Variants in DEF8 observed in about 807,000 individuals in gnomAD.
The protein encoded by DEF8 is differentially expressed in FDCP 8 homolog.
In DEF8, 38 loss-of-function variants were observed where a neutral mutation model predicts 59.1. The ratio of observed to expected loss-of-function variants is 0.64; its 90% CI spans 0.50 to 0.84. The LOEUF (loss-of-function observed/expected upper bound fraction) is 0.84. DEF8 is among the 40% of genes least tolerant of loss of function. The pLI is 0.00. For synonymous variants in DEF8, 265 were observed against 250.1 expected (o/e 1.06, Z -0.56); for missense variants, 557 against 615.2 (o/e 0.91, Z 1.00).
At position 89,955,269 on chromosome 16, in the gene DEF8, A is replaced by G; in HGVS notation, c.222+3A>G. The G allele has an allele frequency of 6.2e-7, 1 of 1,612,650 alleles. No homozygotes were observed. The highest frequency in any genetic ancestry group is 8.5e-7 in the Non-Finnish European group (1 of 1,179,074). On this transcript the variant is annotated splice_donor_region_variant and intron_variant, in intron 4 of 12. Transcript: ENST00000563594. ...AGGACCACTTCTCCCGCCCTGTGGT[A>G]AGGTTTTAGATCTCGGAGGGGAGAG...
chr16:89,959,321 A>T, intron 6 of DEF8, 166 bp downstream of exon 6: 2 of 1,474,110 alleles, frequency 1.4e-6, no homozygotes, highest in Non-Finnish European at 1.8e-6. Context: ...TACTGTCTAC[A>T]TTGGACAGGG....
At chr16:89,964,678 C>G in intron 12 of DEF8, 103 bp downstream of exon 12, 1 of 817,450 alleles carries the variant, frequency 1.2e-6, no homozygotes, top group Non-Finnish European at 2.0e-6. Flanking sequence ...GGAGCTGGCA[C>G]TGCTCCCCCG....
Position 89,960,224 on chromosome 16 carries a change from G to A in DEF8, c.515-707G>A, listed in dbSNP as rs2033840926. 2.6e-5 allele frequency among the ~76,000 whole-genome samples: 4 copies of A among 152,176 alleles called. No individual in the cohort carries two copies. The South Asian group carries it at 8.3e-4, about 32-fold the overall frequency. On this transcript the variant is annotated intron_variant, in intron 6 of 12. Coordinates refer to ENST00000563594, the MANE Select transcript of DEF8 (RefSeq NM_001242818.2). The stretch of plus-strand genomic sequence containing the variant: ...ATAGGTTACTGTGGCTGCTGACTGA[G>A]CTTGGACTGAGAGGGAGGTGACTGA...
intron 2 of DEF8, chr16:89,950,162 TA>T: frequency 1.0e-6 from 1 of 986,918 alleles, no homozygotes; most frequent in Non-Finnish European, 1.2e-6. Context: ...GGCCATGTTT[TA>T]AACACCAGGA....
intron 5 of DEF8, 76 bp from the exon 6 acceptor site, chr16:89,958,933 ATAAGT>A: frequency 6.4e-7 from 1 of 1,562,548 alleles, no homozygotes; most frequent in Non-Finnish European, 8.6e-7. Flanking sequence ...CCTGGAAGAA[ATAAGT>A]TGAGGGGCTT....
chr16:89,956,030 G>A (rs1369224503), intron 4 of DEF8, among the ~76,000 whole-genome samples: 4 of 151,986 alleles, frequency 2.6e-5, no homozygotes, highest in Admixed American at 6.5e-5. Context: ...CCGAGACTGC[G>A]CCACTGCACT....
chr16:89,956,183 C>T (rs534140381), intron 4 of DEF8, among the ~76,000 whole-genome samples: 18 of 151,676 alleles, frequency 1.2e-4, no homozygotes, highest in South Asian at 6.3e-4. Context: ...TTGGGCCAGA[C>T]GTGGTGGCTC....
Position 89,966,211 on chromosome 16 carries a change from C to G in DEF8, c.*248C>G. ...GGGTCCTTGCGTGGCCCCCATCCTT[C>G]CCCCAATGCAGAACTCCATGGGCAG... On this transcript the variant is annotated 3_prime_UTR_variant, in exon 13 of 13. Coordinates refer to ENST00000563594, the MANE Select transcript of DEF8 (RefSeq NM_001242818.2). 2.4e-6 allele frequency: 1 copy of G among 421,054 alleles called. No individual in the cohort carries two copies. Among genetic ancestry groups the G allele is most frequent in the South Asian group, 2.5e-5 (1 of 40,188 alleles). The allele number at this position is 421,054 out of a possible 1,614,324, so 26.1% of individuals were successfully genotyped here.
rs1208593490 is a variant in DEF8 at position 89,957,667 on chromosome 16, GTGGGGCCGCCCCGCCGTGGGGCAGCC to G, written c.372+16_372+41del. 14 of 1,546,534 alleles carry G rather than the reference GTGGGGCCGCCCCGCCGTGGGGCAGCC, an allele frequency of 9.1e-6. No homozygotes were observed. The Admixed American group carries it at 1.4e-4, about 15-fold the overall frequency. On this transcript the variant is annotated splice_region_variant and intron_variant, in intron 5 of 12. Coordinates refer to ENST00000563594, the MANE Select transcript of DEF8 (RefSeq NM_001242818.2). ...GAAGCTCCAGGAGCTGAAGGTGGGT[GTGGGGCCGCCCCGCCGTGGGGCAGCC>G]TGGGGCCGAGGCCAGAACTGTGGAA...
Position 89,957,649 on chromosome 16 carries a change from C to G in DEF8, c.361C>G (p.Gln121Glu). The G allele has an allele frequency of 6.4e-7, 1 of 1,562,708 alleles. No homozygotes were observed. The highest frequency in any genetic ancestry group is 8.7e-7 in the Non-Finnish European group (1 of 1,153,468). The change falls in exon 5 of 13, where the codon CAG becomes GAG. Residue 121 changes from glutamine to glutamate, a missense_variant. Transcript: ENST00000563594. ...VRLIHLRLKL[Q>E]ELKDPNEDEP... ...ACTCATCCACCTCCGGCTGAAGCTC[C>G]AGGAGCTGAAGGTGGGTGTGGGGCC...
At chr16:89,963,911 A>C in intron 10 of DEF8, 1 of 564,070 alleles carries the variant, frequency 1.8e-6, no homozygotes, top group South Asian at 1.8e-5. Context: ...AAGCGTGGGG[A>C]GTGCGGGGAT....
chr16:89,955,574 C>G (rs1195253403), intron 4 of DEF8, among the ~76,000 whole-genome samples: 2 of 152,174 alleles, frequency 1.3e-5, no homozygotes, highest in Non-Finnish European at 2.9e-5. Context: ...CTTCATGAAG[C>G]AAATGTGCAG....
At position 89,965,876 on chromosome 16, in the gene DEF8, C is replaced by T. The variant is rs778144330; in HGVS notation, c.1269C>T (p.Asp423=). The T allele has an allele frequency of 6.2e-7, 1 of 1,613,320 alleles. No individual in the cohort carries two copies. The highest frequency in any genetic ancestry group is 1.1e-5 in the South Asian group (1 of 91,052). ...CTGCCCCCAGGGACTGCTACTACGACAACTCCACCACTTGTCCCAAGTGTG... is the reference window on the plus strand; with the variant it reads ...CTGCCCCCAGGGACTGCTACTACGATAACTCCACCACTTGTCCCAAGTGTG... ...SAVFHRDCYY[D]NSTTCPKCAR... The change falls in exon 13 of 13, where the codon GAC becomes GAT. Residue 423 remains aspartate, a synonymous_variant. Coordinates refer to ENST00000563594, the MANE Select transcript of DEF8 (RefSeq NM_001242818.2).
intron 2 of DEF8, among the ~76,000 whole-genome samples, chr16:89,951,325 C>A (rs918807997): frequency 6.6e-6 from 1 of 151,784 alleles, no homozygotes; most frequent in Non-Finnish European, 1.5e-5. Context: ...GGCTCAATCT[C>A]GGCTCACCTC....
At chr16:89,960,815 A>T (rs1301636548) in intron 6 of DEF8, 116 bp from the exon 7 acceptor site, 2 of 1,073,398 alleles carry the variant, frequency 1.9e-6, no homozygotes, top group African/African-American at 1.6e-5. Flanking sequence ...AGGAGGTCTT[A>T]GATTGATCTG....
At chr16:89,964,646 C>A in intron 12 of DEF8, 71 bp downstream of exon 12, 1 of 1,202,474 alleles carries the variant, frequency 8.3e-7, no homozygotes, top group Non-Finnish European at 1.2e-6. Flanking sequence ...TGCCCCTTGG[C>A]CTCCGGTAGG....
At chr16:89,963,870 A>G (rs932956731) in intron 10 of DEF8, 2 of 527,086 alleles carry the variant, frequency 3.8e-6, no homozygotes, top group Non-Finnish European at 7.0e-6. Context: ...ACTCTGTGAC[A>G]AGATAGAGAA....
At position 89,961,737 on chromosome 16, in the gene DEF8, G is replaced by A. The variant is rs1350869714; in HGVS notation, c.680G>A (p.Arg227Gln). 6.2e-7 allele frequency: 1 copy of A among 1,613,220 alleles called. No individual in the cohort carries two copies. The highest frequency in any genetic ancestry group is 1.3e-5 in the African/African-American group (1 of 74,924). ...CAECRAPISL[R>Q]GVPSEARQCD... ...ACTCAGGGCCCCTCTGACCCTGCAG[G>A]GGGTGTGCCCAGTGAGGCCAGGCAG... The change falls in exon 8 of 13, where the codon CGG (arginine) becomes CAG (glutamine). Residue 227 changes from arginine to glutamine, a missense_variant and splice_region_variant. Transcript: ENST00000563594.
At chr16:89,964,131 TC>T (rs1366107808) in intron 10 of DEF8, 38 bp from the exon 11 acceptor site, 13 of 1,613,730 alleles carry the variant, frequency 8.1e-6, no homozygotes, top group Non-Finnish European at 1.1e-5. Flanking sequence ...GGAGGGGCCC[TC>T]CCCGGTGCAG....
Sources: gnomAD v4.1 joint callset for allele counts (sites outside exome capture counted in the v4.1 genomes callset) on GRCh38, gnomAD v4.1.1 for gene constraint, MANE v1.5 for transcripts, NCBI Gene and HGNC (gene_info 2026-07-23, HGNC 2026-07-21) for gene names.